ZNF3: variants seen among roughly 807,000 people sequenced by gnomAD.
ZNF3 encodes the protein C2-H2 type zinc finger protein.
ZNF3 carries 16 observed loss-of-function variants against 36.9 expected under a neutral mutation model. That is an observed-to-expected ratio of 0.43 (90% CI 0.29 to 0.66). ZNF3 has a LOEUF of 0.66. ZNF3 is among the 30% of genes least tolerant of loss of function. The probability of loss-of-function intolerance (pLI) is 0.13; values close to 1 mark genes in which losing one functional copy is unlikely to be tolerated. For synonymous variants in ZNF3, 201 were observed against 201.9 expected (o/e 1.00, Z 0.04); for missense variants, 462 against 543.1 (o/e 0.85, Z 1.48).
At chr7:100,075,001 G>A (rs1474571368) in intron 5 of ZNF3, 134 bp downstream of exon 5, 15 of 1,153,684 alleles carry the variant, frequency 1.3e-5, no homozygotes, top group Admixed American at 4.7e-5. Context: ...ATGTTGCACT[G>A]AGCAAAGATT....
At position 100,075,624 on chromosome 7, in the gene ZNF3, G is replaced by A. The variant is rs528526578; in HGVS notation, c.62C>T (p.Pro21Leu). Residue 21 changes from proline (P) to leucine (L), a missense_variant, in exon 4 of 6, where the codon CCT becomes CTT. By Grantham distance (98) the Pro-to-Leu change is moderately conservative. Coordinates refer to ENST00000299667, the MANE Select transcript of ZNF3 (RefSeq NM_032924.5). ...GTCGGAAAAGGCAGGAACTTTTGAA[G>A]GAAGAGCTGAAGGGCAATAAAAGGG... ...EPQALLDSAL[P>L]SKVPAFSDKD... 2 of 1,614,110 alleles carry A rather than the reference G, an allele frequency of 1.2e-6. No individual in the cohort carries two copies. Among genetic ancestry groups the A allele is most frequent in the Admixed American group, 1.7e-5 (1 of 60,002 alleles).
chr7:100,064,670 C>T, exon 6 of ZNF3: 1 of 1,602,574 alleles, frequency 6.2e-7, no homozygotes, highest in South Asian at 1.1e-5. Context: ...ATCTGAAAAC[C>T]AGAAAGAAGT....
chr7:100,079,462 C>T (rs1393475076), intron 2 of ZNF3, 74 bp downstream of exon 2: 19 of 152,246 alleles, frequency 1.2e-4, no homozygotes, highest in Admixed American at 1.1e-3. Flanking sequence ...TGTTGCCAGC[C>T]TCACTCCCTG....
At chr7:100,075,392 G>A (rs1562872302) in intron 4 of ZNF3, 131 bp from the exon 5 acceptor site, 1 of 1,546,808 alleles carries the variant, frequency 6.5e-7, no homozygotes, top group Non-Finnish European at 8.9e-7. Flanking sequence ...TGGAGGAAGA[G>A]AGACAGGAGT....
At chr7:100,079,932 G>C (rs1170008887) in intron 1 of ZNF3, among the ~76,000 whole-genome samples, 1 of 151,756 alleles carries the variant, frequency 6.6e-6, no homozygotes, top group Non-Finnish European at 1.5e-5. Context: ...CAATCTCCTG[G>C]CCTCAAGTGA....
chr7:100,078,109 C>T (rs1010014921), intron 2 of ZNF3, among the ~76,000 whole-genome samples: 12 of 152,102 alleles, frequency 7.9e-5, no homozygotes, highest in African/African-American at 2.4e-4. Context: ...GGCCCAAGTT[C>T]CTCAACAATA....
chr7:100,065,054 T>C (rs999942140), downstream of ZNF3: 1 of 1,053,088 alleles, frequency 9.5e-7, no homozygotes, highest in Non-Finnish European at 1.4e-6. Context: ...CTCAGGACTA[T>C]TATTATAACA....
chr7:100,068,844 T>A (rs1792779077), downstream of ZNF3, among the ~76,000 whole-genome samples: 2 of 151,312 alleles, frequency 1.3e-5, no homozygotes, highest in Non-Finnish European at 2.9e-5. Context: ...TGAGATGGAG[T>A]CTCACTCTGT....
At position 100,077,409 on chromosome 7, in the gene ZNF3, G is replaced by A; in HGVS notation, c.-52C>T. 1.2e-6 allele frequency: 2 copies of A among 1,612,784 alleles called. No individual in the cohort carries two copies. The highest frequency in any genetic ancestry group is 1.7e-6 in the Non-Finnish European group (2 of 1,179,452). ...CTGGGTGCAGACTCAGCGGGAAGCGGGTTTTAAAAGAGAATGAGGAAGCAC... is the reference window on the plus strand; with the variant it reads ...CTGGGTGCAGACTCAGCGGGAAGCGAGTTTTAAAAGAGAATGAGGAAGCAC... On this transcript the variant is annotated 5_prime_UTR_variant, in exon 3 of 6. Coordinates refer to ENST00000299667, the MANE Select transcript of ZNF3 (RefSeq NM_032924.5).
intron 3 of ZNF3, among the ~76,000 whole-genome samples, chr7:100,076,292 C>CT (rs879868716): frequency 1.5e-3 from 220 of 145,710 alleles, no homozygotes; most frequent in African/African-American, 3.7e-3. Context: ...TTCTGCAATT[C>CT]TTTTTTTTTT....
intron 5 of ZNF3, among the ~76,000 whole-genome samples, chr7:100,074,922 C>T (rs146577137): frequency 0.027 from 4,091 of 152,064 alleles, 74 homozygotes; most frequent in Middle Eastern, 0.068. Flanking sequence ...TGTGGTGGTG[C>T]GTGCCTGTAG....
chr7:100,070,937 A>G lies in ZNF3; in HGVS notation c.*206T>C, dbSNP rs916847181. On this transcript the variant is annotated 3_prime_UTR_variant, in exon 6 of 6. Coordinates refer to ENST00000299667, the MANE Select transcript of ZNF3 (RefSeq NM_032924.5). The stretch of plus-strand genomic sequence containing the variant: ...GTAACTGGTCCCAGAGCTGCTTTCT[A>G]TTCCCAGCACGCCATCCACTTGCCT... 60 of 1,361,744 alleles carry G rather than the reference A, an allele frequency of 4.4e-5. No individual in the cohort carries two copies. The highest frequency in any genetic ancestry group is 2.8e-4 in the Middle Eastern group (1 of 3,610). 84.4% of individuals were successfully genotyped at this position (1,361,744 alleles called of 1,614,324 possible).
Position 100,070,981 on chromosome 7 carries a change from GTGTGAT to G in ZNF3, c.*156_*161del, listed in dbSNP as rs2116259153. On this transcript the variant is annotated 3_prime_UTR_variant, in exon 6 of 6. Transcript: ENST00000299667. ...CTTGCCTTGACGCTTTCTAAGGCTG[GTGTGAT>G]TTCTGGGAAAATTCAACGATTTGCC... The G allele has an allele frequency of 6.9e-7, 1 of 1,443,544 alleles. No individual in the cohort carries two copies. Among genetic ancestry groups the G allele is most frequent in the Non-Finnish European group, 9.1e-7 (1 of 1,104,418 alleles). 89.4% of individuals were successfully genotyped at this position (1,443,544 alleles called of 1,614,324 possible).
chr7:100,064,790 A>C (rs746660227), exon 6 of ZNF3: 1 of 1,614,080 alleles, frequency 6.2e-7, no homozygotes, highest in African/African-American at 1.3e-5. Context: ...GGAGGTCCTC[A>C]GAAGGTGTCA....
downstream of ZNF3, among the ~76,000 whole-genome samples, chr7:100,068,992 T>C (rs1792787869): frequency 1.3e-5 from 2 of 151,036 alleles, no homozygotes; most frequent in Admixed American, 6.6e-5. Context: ...GATATATATA[T>C]ATAATTTTTT....
chr7:100,075,116 A>T lies in ZNF3; in HGVS notation c.271+19T>A, dbSNP rs1300168249. ...AAAGAAACACCAGCGAGTTTTGTTGACAAGGCATAACTCCTTACCCAGTGA... is the reference window on the plus strand; with the variant it reads ...AAAGAAACACCAGCGAGTTTTGTTGTCAAGGCATAACTCCTTACCCAGTGA... On this transcript the variant is annotated intron_variant, in intron 5 of 5. Coordinates refer to ENST00000299667, the MANE Select transcript of ZNF3 (RefSeq NM_032924.5). 1 of 1,570,006 alleles carries T rather than the reference A, an allele frequency of 6.4e-7. No homozygotes were observed.
At chr7:100,074,571 C>T (rs962097014) in intron 5 of ZNF3, among the ~76,000 whole-genome samples, 7 of 152,230 alleles carry the variant, frequency 4.6e-5, no homozygotes, top group African/African-American at 1.7e-4. Flanking sequence ...CTCGCCTGGA[C>T]TACTTTCACT....
intron 5 of ZNF3, 24 bp from the exon 6 acceptor site, chr7:100,072,236 G>A (rs1187792042): frequency 5.2e-6 from 8 of 1,534,036 alleles, no homozygotes; most frequent in Non-Finnish European, 6.1e-6. Flanking sequence ...AAATGCAAAT[G>A]TCACTTGTTC....
At chr7:100,065,521 T>A (rs1397482764), downstream of ZNF3, among the ~76,000 whole-genome samples, 2 of 152,104 alleles carry the variant, frequency 1.3e-5, no homozygotes, top group Admixed American at 6.6e-5. Context: ...CTGTTGTGGA[T>A]GAGTTTGTGG....
Sources: gnomAD v4.1 joint callset for allele counts (sites outside exome capture counted in the v4.1 genomes callset) on GRCh38, gnomAD v4.1.1 for gene constraint, MANE v1.5 for transcripts, NCBI Gene and HGNC (gene_info 2026-07-23, HGNC 2026-07-21) for gene names.